Variants in RNLS observed in about 807,000 individuals in gnomAD.
RNLS encodes the protein renalase.
Under a neutral mutation model 39.8 loss-of-function variants are expected in RNLS, and 39 were observed. That is an observed-to-expected ratio of 0.98 (90% CI 0.76 to 1.28). The LOEUF is 1.28. RNLS is among the 50% of genes most tolerant of loss of function. The pLI is 0.00. For synonymous variants in RNLS, 147 were observed against 150.7 expected (o/e 0.98, Z 0.18); for missense variants, 410 against 413.3 (o/e 0.99, Z 0.07).
chr10:88,232,165 T>G, the RNLS span, among the ~76,000 whole-genome samples: 1 of 152,206 alleles, frequency 6.6e-6, no homozygotes, highest in African/African-American at 2.4e-5. Flanking sequence ...TTAGCTCCTC[T>G]TGAGTCGGGT....
chr10:88,474,826 A>C (rs1843720728), intron 4 of RNLS, among the ~76,000 whole-genome samples: 1 of 152,224 alleles, frequency 6.6e-6, no homozygotes, highest in African/African-American at 2.4e-5. Flanking sequence ...ATCCTGGTGC[A>C]GTCAGCTCTT....
At position 88,382,446 on chromosome 10, in the gene RNLS, AT is replaced by A. The variant is rs1851600755; in HGVS notation, c.527-19722del. 2.0e-5 allele frequency among the ~76,000 whole-genome samples: 3 copies of A among 151,970 alleles called. No individual in the cohort carries two copies. The South Asian group carries it at 6.2e-4, about 31-fold the overall frequency. On this transcript the variant is annotated intron_variant, in intron 4 of 6. Coordinates refer to ENST00000331772, the MANE Select transcript of RNLS (RefSeq NM_001031709.3). ...AAATTGAATATATCATCACAGTAGAATTTTTTCACAAAAATAAAAAGTGCAA... is the reference window on the plus strand; with the variant it reads ...AAATTGAATATATCATCACAGTAGAATTTTTCACAAAAATAAAAAGTGCAA...
chr10:88,516,942 G>A (rs572990220), intron 4 of RNLS, among the ~76,000 whole-genome samples: 1 of 152,014 alleles, frequency 6.6e-6, no homozygotes, highest in Admixed American at 6.6e-5. Flanking sequence ...ATATGTCTAT[G>A]ACAATACACC....
At chr10:88,461,456 T>C (rs1473106240) in intron 4 of RNLS, among the ~76,000 whole-genome samples, 1 of 152,152 alleles carries the variant, frequency 6.6e-6, no homozygotes, top group Non-Finnish European at 1.5e-5. Context: ...TCAGTAATCA[T>C]AGATCAAAGC....
chr10:88,522,663 T>C (rs1283190138), intron 4 of RNLS, among the ~76,000 whole-genome samples: 3 of 151,998 alleles, frequency 2.0e-5, no homozygotes, highest in African/African-American at 7.2e-5. Flanking sequence ...AAACTAAAAA[T>C]TTCTCTAAAG....
chr10:88,299,153 T>A (rs192985156), intron 6 of RNLS, among the ~76,000 whole-genome samples: 2 of 152,370 alleles, frequency 1.3e-5, no homozygotes, highest in Non-Finnish European at 2.9e-5. Context: ...ATATTCTGAA[T>A]ACTAGCCTTT....
the RNLS span, among the ~76,000 whole-genome samples, chr10:88,187,539 G>T: frequency 6.6e-6 from 1 of 152,122 alleles, no homozygotes; most frequent in African/African-American, 2.4e-5. Context: ...GCTACCTTTA[G>T]CTTTCTCTTC....
chr10:88,292,524 T>C (rs1479756318), intron 6 of RNLS, among the ~76,000 whole-genome samples: 4 of 150,668 alleles, frequency 2.7e-5, no homozygotes, highest in African/African-American at 9.8e-5. Context: ...CCAATATGAG[T>C]CTCCTGATAC....
At chr10:88,489,554 G>A (rs1844764294) in intron 4 of RNLS, among the ~76,000 whole-genome samples, 6 of 152,172 alleles carry the variant, frequency 3.9e-5, no homozygotes, top group Admixed American at 3.3e-4. Flanking sequence ...ATGCCAAAAT[G>A]GATGTGGAGG....
chr10:88,568,662 T>C (rs914527526), intron 4 of RNLS, among the ~76,000 whole-genome samples: 1 of 152,038 alleles, frequency 6.6e-6, no homozygotes, highest in African/African-American at 2.4e-5. Context: ...CATGGGTTCA[T>C]ATAATCAATA....
At chr10:88,188,120 A>C in the RNLS span, among the ~76,000 whole-genome samples, 1 of 152,020 alleles carries the variant, frequency 6.6e-6, no homozygotes, top group Non-Finnish European at 1.5e-5. Context: ...GCAGTGGTGC[A>C]ATCTCAGCTC....
chr10:88,330,083 AT>A (rs1846986553), intron 5 of RNLS, among the ~76,000 whole-genome samples: 1 of 135,076 alleles, frequency 7.4e-6, no homozygotes, highest in South Asian at 2.4e-4. Context: ...ATATATATAT[AT>A]ATATATAAAT....
chr10:88,293,669 T>C (rs955612232), intron 6 of RNLS, among the ~76,000 whole-genome samples: 1 of 151,604 alleles, frequency 6.6e-6, no homozygotes, highest in Non-Finnish European at 1.5e-5. Context: ...TCCCAAAACA[T>C]CTAGAGAGAT....
At chr10:88,393,920 C>G in intron 4 of RNLS, among the ~76,000 whole-genome samples, 1 of 152,136 alleles carries the variant, frequency 6.6e-6, no homozygotes, top group Non-Finnish European at 1.5e-5. Context: ...TTTGACAAAC[C>G]TGACAAAAAC....
chr10:88,479,844 A>G lies in RNLS; in HGVS notation c.526+93059T>C, dbSNP rs1250228302. ...TTTCTAAAAGGTATAGTAGAAAAAA[A>G]TCCAGATGCAACATATGAATACAAA... On this transcript the variant is annotated intron_variant, in intron 4 of 6. Coordinates refer to ENST00000331772, the MANE Select transcript of RNLS (RefSeq NM_001031709.3). 3.3e-5 allele frequency among the ~76,000 whole-genome samples: 5 copies of G among 150,194 alleles called. No individual in the cohort carries two copies. The East Asian group carries it at 9.7e-4, about 29-fold the overall frequency.
chr10:88,558,108 T>C (rs977446927), intron 4 of RNLS, among the ~76,000 whole-genome samples: 8 of 152,110 alleles, frequency 5.3e-5, no homozygotes, highest in Admixed American at 5.2e-4. Flanking sequence ...AACAAAACTA[T>C]GAAAATATTT....
At chr10:88,575,283 T>A (rs1850136054) in intron 3 of RNLS, among the ~76,000 whole-genome samples, 1 of 144,876 alleles carries the variant, frequency 6.9e-6, no homozygotes, top group Non-Finnish European at 1.5e-5. Flanking sequence ...TGTGTGTGTG[T>A]ATATATATAT....
intron 4 of RNLS, among the ~76,000 whole-genome samples, chr10:88,535,615 A>G (rs903546970): frequency 6.6e-5 from 10 of 152,168 alleles, no homozygotes; most frequent in African/African-American, 2.4e-4. Context: ...AAGATAAAAA[A>G]AACCTAGGTA....
intron 4 of RNLS, among the ~76,000 whole-genome samples, chr10:88,412,373 G>A (rs1771033484): frequency 6.6e-6 from 1 of 151,968 alleles, no homozygotes; most frequent in African/African-American, 2.4e-5. Context: ...TTTTATGGAT[G>A]AAGAAACTCA....
Sources: allele counts gnomAD v4.1 joint callset (sites outside exome capture counted in the v4.1 genomes callset), GRCh38; gene constraint gnomAD v4.1.1; transcripts MANE v1.5; gene names NCBI Gene and HGNC (gene_info 2026-07-23, HGNC 2026-07-21).